The following IL13 variants were observed in gnomAD, a reference collection of about 807,000 sequenced individuals.
IL13 encodes interleukin-13.
A neutral mutation model predicts 11.1 loss-of-function variants in IL13; 9 were observed. The observed-to-expected ratio is 0.81, with a 90% CI of 0.49 to 1.42. The LOEUF is 1.42. IL13 is among the 40% of genes most tolerant of loss of function. The probability of loss-of-function intolerance (pLI) is 0.00; values close to 1 mark genes in which losing one functional copy is unlikely to be tolerated. For missense variants in IL13, 181 were observed against 182.5 expected (o/e 0.99, Z 0.05); for synonymous variants, 75 against 76.9 (o/e 0.97, Z 0.13).
chr5:132,660,668 CT>C lies in IL13; in HGVS notation c.*388del, dbSNP rs982513882. 5.0e-6 allele frequency: 1 copy of C among 200,548 alleles called. No homozygotes were observed. The highest frequency in any genetic ancestry group is 2.3e-5 in the African/African-American group (1 of 43,172). The allele number at this position is 200,548 out of a possible 1,614,324, so 12.4% of individuals were successfully genotyped here. A position where few individuals can be genotyped will look rare whatever the true frequency, so the allele number is the denominator to read the frequency against. ...TGAGGCAGACAGCAGCTCAGGCACA[CT>C]TCTTCTTGGTCTTATTTATTATTGT... On this transcript the variant is annotated 3_prime_UTR_variant, in exon 4 of 4. Coordinates refer to ENST00000304506, the MANE Select transcript of IL13 (RefSeq NM_002188.3).
intron 3 of IL13, 94 bp from the exon 4 acceptor site, chr5:132,660,081 G>T: frequency 7.4e-7 from 1 of 1,355,438 alleles, no homozygotes; most frequent in Non-Finnish European, 1.0e-6. Context: ...CTTCCGTGAG[G>T]ACTGAATGAG....
Position 132,659,457 on chromosome 5 carries a change from C to A in IL13, c.214C>A (p.Leu72Met), listed in dbSNP as rs762983915. The A allele has an allele frequency of 6.2e-7, 1 of 1,611,926 alleles. No homozygotes were observed. Among genetic ancestry groups the A allele is most frequent in the Non-Finnish European group, 8.5e-7 (1 of 1,178,704 alleles). ...TGGCAGCATGGTATGGAGCATCAACCTGACAGCTGGCATGGTAAGGACCTT... is the reference window on the plus strand; with the variant it reads ...TGGCAGCATGGTATGGAGCATCAACATGACAGCTGGCATGGTAAGGACCTT... ...CNGSMVWSIN[L>M]TAGMYCAALE... The change falls in exon 2 of 4, where the codon CTG becomes ATG. Residue 72 changes from leucine (L) to methionine (M), a missense_variant. By Grantham distance (15) the Leu-to-Met change is conservative. Transcript: ENST00000304506. The surrounding 1 kb of genome is among the most constrained non-coding windows in gnomAD (Gnocchi z 4.1).
intron 1 of IL13, chr5:132,658,595 T>C (rs1752085622): frequency 2.3e-6 from 1 of 443,050 alleles, no homozygotes; most frequent in Non-Finnish European, 4.0e-6. Flanking sequence ...CCTGCTCTCC[T>C]GGCCTGGCCT....
intron 1 of IL13, chr5:132,658,991 G>A (rs780765220): frequency 3.2e-5 from 7 of 218,774 alleles, no homozygotes; most frequent in South Asian, 8.3e-5. Context: ...GCTCCTAACT[G>A]CAGTGTTCCC....
chr5:132,657,498 CA>C (rs560993434), upstream of IL13, among the ~76,000 whole-genome samples: 4 of 151,796 alleles, frequency 2.6e-5, no homozygotes, highest in African/African-American at 9.7e-5. Flanking sequence ...TCCAAAAAAA[CA>C]AAACAAAACA....
rs1380338651 is a variant in IL13 at position 132,659,462 on chromosome 5, A to G, written c.219A>G (p.Thr73=). 2 of 1,611,800 alleles carry G rather than the reference A, an allele frequency of 1.2e-6. No individual in the cohort carries two copies. The highest frequency in any genetic ancestry group is 1.7e-6 in the Non-Finnish European group (2 of 1,178,714). The change falls in exon 2 of 4, where the codon ACA becomes ACG. Residue 73 remains threonine, a synonymous_variant. Transcript: ENST00000304506. This position sits in a 1 kb window ranked among gnomAD's most constrained non-coding sequence, Gnocchi z 4.1. ...NGSMVWSINL[T]AGMYCAALES... ...GCATGGTATGGAGCATCAACCTGACAGCTGGCATGGTAAGGACCTTTGGGT... is the reference window on the plus strand; with the variant it reads ...GCATGGTATGGAGCATCAACCTGACGGCTGGCATGGTAAGGACCTTTGGGT...
chr5:132,659,765 C>T lies in IL13; in HGVS notation c.270C>T (p.Cys90=). Residue 90 remains cysteine, a synonymous_variant, in exon 3 of 4, where the codon TGC becomes TGT. Coordinates refer to ENST00000304506, the MANE Select transcript of IL13 (RefSeq NM_002188.3). The surrounding 1 kb of genome is among the most constrained non-coding windows in gnomAD (Gnocchi z 4.1). ...AATCCCTGATCAACGTGTCAGGCTG[C>T]AGTGCCATCGAGAAGACCCAGAGGA... The part of the protein sequence containing the change: ...ALESLINVSG[C]SAIEKTQRML... 1 of 1,614,008 alleles carries T rather than the reference C, an allele frequency of 6.2e-7. No individual in the cohort carries two copies. Among genetic ancestry groups the T allele is most frequent in the Non-Finnish European group, 8.5e-7 (1 of 1,180,030 alleles).
intron 3 of IL13, 49 bp from the exon 4 acceptor site, chr5:132,660,126 G>A (rs199969967): frequency 1.0e-4 from 166 of 1,583,308 alleles, no homozygotes; most frequent in Non-Finnish European, 1.3e-4. Context: ...TGTGCGAGTC[G>A]TCCCGGCCTC....
chr5:132,657,759 G>A (rs1191340775), upstream of IL13, among the ~76,000 whole-genome samples: 2 of 152,192 alleles, frequency 1.3e-5, no homozygotes, highest in African/African-American at 2.4e-5. Flanking sequence ...CCCATAGCTG[G>A]TAGACTGTGG....
At chr5:132,656,912 T>G (rs1752043985), upstream of IL13, among the ~76,000 whole-genome samples, 1 of 151,994 alleles carries the variant, frequency 6.6e-6, no homozygotes, top group Non-Finnish European at 1.5e-5. Context: ...CAGCATGCCT[T>G]GTGAGGAGGG....
chr5:132,658,375 G>C lies in IL13; in HGVS notation c.174+15G>C. The C allele has an allele frequency of 6.4e-7, 1 of 1,566,898 alleles. No individual in the cohort carries two copies. On this transcript the variant is annotated intron_variant, in intron 1 of 3. Transcript: ENST00000304506. Reference sequence around the variant, plus strand: ...AGAACCAGAAGGTGAGTGTCGGCTAGCCAGGGTCCTAGCTATGAGGGCTCC... The same window carrying C: ...AGAACCAGAAGGTGAGTGTCGGCTACCCAGGGTCCTAGCTATGAGGGCTCC...
upstream of IL13, chr5:132,658,037 G>C: frequency 1.8e-6 from 1 of 552,038 alleles, no homozygotes; most frequent in East Asian, 3.0e-5. Flanking sequence ...TCCTTTATGC[G>C]ACACTGGATT....
intron 1 of IL13, 44 bp downstream of exon 1, chr5:132,658,404 G>A: frequency 1.6e-6 from 2 of 1,256,886 alleles, no homozygotes; most frequent in Non-Finnish European, 2.3e-6. Flanking sequence ...GGGCTCCAGG[G>A]TGGGTGATTC....
Position 132,658,527 on chromosome 5 carries a change from G to A in IL13, c.174+167G>A. 11 of 571,756 alleles carry A rather than the reference G, an allele frequency of 1.9e-5. No individual in the cohort carries two copies. The South Asian group carries it at 2.1e-4, about 11-fold the overall frequency. 35.4% of individuals were successfully genotyped at this position (571,756 alleles called of 1,614,324 possible). Reference sequence around the variant, plus strand: ...CATGAGGGAGAGAGGAGCTGGGCTGGGGGGCTCAGCACTGTGGATGGACCT... The same window carrying A: ...CATGAGGGAGAGAGGAGCTGGGCTGAGGGGCTCAGCACTGTGGATGGACCT... On this transcript the variant is annotated intron_variant, in intron 1 of 3. Transcript: ENST00000304506.
At position 132,659,896 on chromosome 5, in the gene IL13, G is replaced by A; in HGVS notation, c.333+68G>A. 1 of 1,576,130 alleles carries A rather than the reference G, an allele frequency of 6.3e-7. No homozygotes were observed. The highest frequency in any genetic ancestry group is 8.6e-7 in the Non-Finnish European group (1 of 1,162,006). On this transcript the variant is annotated intron_variant, in intron 3 of 3. Transcript: ENST00000304506. This position sits in a 1 kb window ranked among gnomAD's most constrained non-coding sequence, Gnocchi z 4.1. ...CCTGCCAACCCTGGGCTCGCTGAAG[G>A]GAAGCTGGCTGAATATCCATGGTGT...
chr5:132,660,451 C>A lies in IL13; in HGVS notation c.*169C>A. Reference sequence around the variant, plus strand: ...CTGTGCTGCCCGTCTTCAGCCTAGCCGACCTCAGCCTTCCCCTTGCCCAGG... The same window carrying A: ...CTGTGCTGCCCGTCTTCAGCCTAGCAGACCTCAGCCTTCCCCTTGCCCAGG... On this transcript the variant is annotated 3_prime_UTR_variant, in exon 4 of 4. Transcript: ENST00000304506. The A allele has an allele frequency of 8.5e-7, 1 of 1,182,836 alleles. No homozygotes were observed. Among genetic ancestry groups the A allele is most frequent in the South Asian group, 1.6e-5 (1 of 62,494 alleles). 73.3% of individuals were successfully genotyped at this position (1,182,836 alleles called of 1,614,324 possible).
Position 132,658,408 on chromosome 5 carries a change from G to A in IL13, c.174+48G>A, listed in dbSNP as rs201723465. The A allele has an allele frequency of 4.3e-5, 52 of 1,207,278 alleles. 1 individual carries two copies. In the Middle Eastern group the frequency reaches 5.9e-4, roughly 14 times the overall value. The allele number at this position is 1,207,278 out of a possible 1,614,324, so 74.8% of individuals were successfully genotyped here. Reference sequence around the variant, plus strand: ...CCTAGCTATGAGGGCTCCAGGGTGGGTGATTCCCAAGATGAGGTCATGAGC... The same window carrying A: ...CCTAGCTATGAGGGCTCCAGGGTGGATGATTCCCAAGATGAGGTCATGAGC... On this transcript the variant is annotated intron_variant, in intron 1 of 3. Coordinates refer to ENST00000304506, the MANE Select transcript of IL13 (RefSeq NM_002188.3).
Position 132,659,526 on chromosome 5 carries a change from A to T in IL13, c.228+55A>T. 1 of 1,569,024 alleles carries T rather than the reference A, an allele frequency of 6.4e-7. No individual in the cohort carries two copies. The highest frequency in any genetic ancestry group is 8.7e-7 in the Non-Finnish European group (1 of 1,144,540). On this transcript the variant is annotated intron_variant, in intron 2 of 3. Transcript: ENST00000304506. This position sits in a 1 kb window ranked among gnomAD's most constrained non-coding sequence, Gnocchi z 4.1. The stretch of plus-strand genomic sequence containing the variant: ...GGCAGAGGCTCCAGGCCTTGGGCTT[A>T]TCTTCTCTGAGCCTCCCTTCCATGG...
At position 132,658,185 on chromosome 5, in the gene IL13, C is replaced by T. The variant is rs867567803; in HGVS notation, c.-2C>T. The T allele has an allele frequency of 1.1e-5, 17 of 1,593,684 alleles. No individual in the cohort carries two copies. Among genetic ancestry groups the T allele is most frequent in the Admixed American group, 1.7e-5 (1 of 58,568 alleles). On this transcript the variant is annotated 5_prime_UTR_variant, in exon 1 of 4. Transcript: ENST00000304506. Reference sequence around the variant, plus strand: ...ACGCCAAGGCCACAAGCCACCCAGCCTATGCATCCGCTCCTCAATCCTCTC... The same window carrying T: ...ACGCCAAGGCCACAAGCCACCCAGCTTATGCATCCGCTCCTCAATCCTCTC...
Sources: gnomAD v4.1 joint callset for allele counts (sites outside exome capture counted in the v4.1 genomes callset) on GRCh38, gnomAD v4.1.1 for gene constraint, Gnocchi (gnomAD v3.1) non-coding constraint, MANE v1.5 for transcripts, NCBI Gene and HGNC (gene_info 2026-07-23, HGNC 2026-07-21) for gene names.